The following ZNF875 variants were observed in gnomAD, a reference collection of about 807,000 sequenced individuals.
ZNF875 encodes HKR1, GLI-Kruppel zinc finger family member.
Under a neutral mutation model 11.2 loss-of-function variants are expected in ZNF875, and 14 were observed. That is an observed-to-expected ratio of 1.26 (90% CI 0.83 to 1.96). ZNF875 has a LOEUF of 1.96. ZNF875 is among the 30% of genes most tolerant of loss of function. The pLI is 0.00. For missense variants in ZNF875, 752 were observed against 760.4 expected (o/e 0.99, Z 0.13); for synonymous variants, 301 against 281.1 (o/e 1.07, Z -0.71).
intron 1 of ZNF875, among the ~76,000 whole-genome samples, chr19:37,321,224 A>G (rs1384550590): frequency 6.6e-6 from 1 of 152,120 alleles, no homozygotes. Flanking sequence ...CGTGGTGAGG[A>G]GGATTAGTAA....
intron 2 of ZNF875, among the ~76,000 whole-genome samples, chr19:37,343,607 A>G (rs1248199845): frequency 6.6e-6 from 1 of 152,116 alleles, no homozygotes; most frequent in African/African-American, 2.4e-5. Flanking sequence ...CCTCTTCAGC[A>G]GGCAAGCTCA....
At chr19:37,319,977 C>T (rs1230735519) in intron 1 of ZNF875, among the ~76,000 whole-genome samples, 1 of 152,164 alleles carries the variant, frequency 6.6e-6, no homozygotes, top group East Asian at 1.9e-4. Context: ...AGCTCCGCCT[C>T]CTGGGGTCAC....
upstream of ZNF875, among the ~76,000 whole-genome samples, chr19:37,331,324 G>A (rs1281325743): frequency 1.3e-5 from 2 of 151,322 alleles, no homozygotes; most frequent in African/African-American, 2.4e-5. Flanking sequence ...CTGCCTCCTG[G>A]GTTCAAGTGA....
At chr19:37,338,778 G>A (rs546973477) in intron 2 of ZNF875, among the ~76,000 whole-genome samples, 48 of 152,266 alleles carry the variant, frequency 3.2e-4, no homozygotes, top group African/African-American at 1.2e-3. Context: ...TCTGTTGTTT[G>A]CTTTGGTTTG....
In ZNF875 at chr19:37,363,577, C is replaced by CT. The variant is rs748667305; in HGVS notation, c.1725_1726insT (p.Ile576TyrfsTer2). ...AAGGCTTTTGTGCTAAGTTAACTCT[C>CT]ATTAAACACCAGAGAGCACACGCAG... On this transcript the variant is annotated frameshift_variant, in exon 5 of 5. Coordinates refer to ENST00000392153, the MANE Select transcript of ZNF875 (RefSeq NM_001353803.2). LOFTEE classifies it low-confidence loss of function (END_TRUNC). The CT allele has an allele frequency of 6.2e-7, 1 of 1,613,378 alleles. No individual in the cohort carries two copies. Among genetic ancestry groups the CT allele is most frequent in the African/African-American group, 1.3e-5 (1 of 74,648 alleles).
At chr19:37,315,988 C>T (rs1285969223), upstream of ZNF875, among the ~76,000 whole-genome samples, 17 of 152,228 alleles carry the variant, frequency 1.1e-4, no homozygotes, top group African/African-American at 4.1e-4. Context: ...GGTTCGTTTT[C>T]GCATTCCATC....
intron 2 of ZNF875, among the ~76,000 whole-genome samples, chr19:37,323,160 C>CT (rs34306276): frequency 0.24 from 34,381 of 145,392 alleles, 4,617 homozygotes; most frequent in African/African-American, 0.37. Flanking sequence ...CTGATATTTC[C>CT]TTTTTTTTTT....
chr19:37,362,109 A>G lies in ZNF875; in HGVS notation c.257A>G (p.Glu86Gly). The G allele has an allele frequency of 1.2e-6, 2 of 1,608,120 alleles. No individual in the cohort carries two copies. Among genetic ancestry groups the G allele is most frequent in the Non-Finnish European group, 1.7e-6 (2 of 1,176,584 alleles). Reference sequence around the variant, plus strand: ...TCTGAAAATGTTCTTTCTTCAGCAGAATCGAAGCCAGAAATTCAACTTAGT... The same window carrying G: ...TCTGAAAATGTTCTTTCTTCAGCAGGATCGAAGCCAGAAATTCAACTTAGT... ...ERKCPLDLCP[E>G]SKPEIQLSPS... is the part of the protein sequence containing the mutation. The change falls in exon 5 of 5, where the codon GAA (glutamate) becomes GGA (glycine). Residue 86 changes from glutamate to glycine, a missense_variant and splice_region_variant. By Grantham distance (98) the Glu-to-Gly change is moderately conservative. Transcript: ENST00000392153.
At chr19:37,342,910 GCCT>G (rs2036021926) in intron 2 of ZNF875, among the ~76,000 whole-genome samples, 1 of 152,148 alleles carries the variant, frequency 6.6e-6, no homozygotes. Flanking sequence ...TGGTTTTCCA[GCCT>G]GTGCTAATAG....
chr19:37,347,362 T>C (rs1247630393), intron 3 of ZNF875, 46 bp downstream of exon 3: 1 of 1,562,726 alleles, frequency 6.4e-7, no homozygotes, highest in Non-Finnish European at 8.7e-7. Flanking sequence ...CTACAGAGTA[T>C]TTTCCACTCA....
At chr19:37,347,580 C>T in intron 3 of ZNF875, 197 bp from the exon 4 acceptor site, 1 of 607,404 alleles carries the variant, frequency 1.6e-6, no homozygotes, top group South Asian at 2.1e-5. Context: ...GGAAATTTTT[C>T]ATACACCAAG....
In ZNF875 at chr19:37,347,773, A is replaced by G; in HGVS notation, c.161-4A>G. On this transcript the variant is annotated splice_region_variant and splice_polypyrimidine_tract_variant and intron_variant, in intron 3 of 4. Coordinates refer to ENST00000392153, the MANE Select transcript of ZNF875 (RefSeq NM_001353803.2). ...AATGTCCTCATTTTCTTCCCTATGA[A>G]CAGAAATTCCATCTTCTAAACCAAA... 1.3e-6 allele frequency: 2 copies of G among 1,599,752 alleles called. No homozygotes were observed. Among genetic ancestry groups the G allele is most frequent in the African/African-American group, 1.3e-5 (1 of 74,698 alleles).
chr19:37,338,275 A>G lies in ZNF875; in HGVS notation c.33+3018A>G, dbSNP rs952153042. Among the ~76,000 whole-genome samples the G allele has an allele frequency of 4.6e-5, 7 of 152,152 alleles. No homozygotes were observed. In the South Asian group the frequency reaches 1.4e-3, roughly 31 times the overall value. On this transcript the variant is annotated intron_variant, in intron 2 of 4. Coordinates refer to ENST00000392153, the MANE Select transcript of ZNF875 (RefSeq NM_001353803.2). ...GTAGCTGGGATTACAGGTGCATGCC[A>G]CCACGCCCGGCTAATTTTTATGTTT...
intron 4 of ZNF875, among the ~76,000 whole-genome samples, chr19:37,349,749 G>C (rs983782444): frequency 2.6e-5 from 4 of 151,992 alleles, no homozygotes; most frequent in Non-Finnish European, 4.4e-5. Flanking sequence ...CTGCCTCCCA[G>C]GTTCAAGCGA....
chr19:37,333,020 ATGTT>A (rs1367628250), upstream of ZNF875, among the ~76,000 whole-genome samples: 1 of 152,126 alleles, frequency 6.6e-6, no homozygotes, highest in African/African-American at 2.4e-5. Context: ...TGTCTTGTTG[ATGTT>A]TGTTAATTTC....
At chr19:37,338,107 T>A (rs2034887676) in intron 2 of ZNF875, among the ~76,000 whole-genome samples, 1 of 152,136 alleles carries the variant, frequency 6.6e-6, no homozygotes, top group Non-Finnish European at 1.5e-5. Context: ...AAGGTAACAT[T>A]GAATATTTTT....
chr19:37,336,544 C>T (rs2034472204), intron 2 of ZNF875, among the ~76,000 whole-genome samples: 1 of 151,154 alleles, frequency 6.6e-6, no homozygotes, highest in Admixed American at 6.6e-5. Flanking sequence ...CATGATCCAC[C>T]CACCTCGGCC....
intron 1 of ZNF875, among the ~76,000 whole-genome samples, chr19:37,319,344 C>CATATATATATATATATATATATAT (rs146774743): frequency 0.014 from 1,601 of 111,428 alleles, 43 homozygotes; most frequent in African/African-American, 0.02. Context: ...CTGCAGCCGG[C>CATATATATATATATATATATATAT]ATATATATAT....
At chr19:37,343,340 C>A (rs1159373383) in intron 2 of ZNF875, among the ~76,000 whole-genome samples, 1 of 145,790 alleles carries the variant, frequency 6.9e-6, no homozygotes, top group East Asian at 2.0e-4. Flanking sequence ...GAGACTATCT[C>A]CAAAAAATAA....
Sources: allele counts gnomAD v4.1 joint callset (sites outside exome capture counted in the v4.1 genomes callset), GRCh38; gene constraint gnomAD v4.1.1; transcripts MANE v1.5; gene names NCBI Gene and HGNC (gene_info 2026-07-23, HGNC 2026-07-21).